Variants in SP3 observed in about 807,000 individuals in gnomAD.
The protein encoded by SP3 is transcription factor Sp3.
SP3 carries 10 observed loss-of-function variants against 70.3 expected under a neutral mutation model. The observed-to-expected ratio is 0.14, with a 90% CI of 0.09 to 0.24. The LOEUF (loss-of-function observed/expected upper bound fraction) is 0.24, where lower values mean the gene tolerates loss of function less well. Ranked by LOEUF, SP3 falls within the 10% of genes least tolerant of loss-of-function variation. The probability of loss-of-function intolerance (pLI) is 1.00; values close to 1 mark genes in which losing one functional copy is unlikely to be tolerated. For missense variants in SP3, 825 were observed against 914.6 expected, an observed-to-expected ratio of 0.90 and a Z score of 1.26; for synonymous variants, 402 against 333.5, an observed-to-expected ratio of 1.21 and a Z score of -2.24.
chr2:173,910,956 CCAA>C lies in SP3; in HGVS notation c.2030-702_2030-700del, dbSNP rs201840982. Among the ~76,000 whole-genome samples the C allele has an allele frequency of 8.9e-3, 1,350 of 152,198 alleles. 28 individuals are homozygous for C. Among genetic ancestry groups the C allele is most frequent in the Admixed American group, 0.053 (803 of 15,286 alleles). ...GTTGAAGACCGACTCTGCAAGATTACCAAAAGAGAAGACAAAAGGCCAACCTAA... is the reference window on the plus strand; with the variant it reads ...GTTGAAGACCGACTCTGCAAGATTACAAGAGAAGACAAAAGGCCAACCTAA... On this transcript the variant is annotated intron_variant, in intron 6 of 6. Coordinates refer to ENST00000310015, the MANE Select transcript of SP3 (RefSeq NM_003111.5).
chr2:173,901,366 G>C lies in SP3; in HGVS notation c.*8575C>G, dbSNP rs960301984. Among the ~76,000 whole-genome samples, 1 of 151,834 alleles carries C rather than the reference G, an allele frequency of 6.6e-6. No homozygotes were observed. Among genetic ancestry groups the C allele is most frequent in the African/African-American group, 2.4e-5 (1 of 41,338 alleles). ...AAAGATAAGCCTTAGACTGAGAAAA[G>C]ATACTATCAGCCTATATATCTCTAA... On this transcript the variant is annotated 3_prime_UTR_variant, in exon 7 of 7. Coordinates refer to ENST00000310015, the MANE Select transcript of SP3 (RefSeq NM_003111.5).
chr2:173,960,269 G>A (rs920338322), intron 3 of SP3, among the ~76,000 whole-genome samples: 2 of 152,080 alleles, frequency 1.3e-5, no homozygotes, highest in African/African-American at 2.4e-5. Flanking sequence ...ATATACCGGT[G>A]GAAACGGAAA....
intron 5 of SP3, among the ~76,000 whole-genome samples, chr2:173,917,569 C>G (rs1356687039): frequency 6.6e-6 from 1 of 152,046 alleles, no homozygotes; most frequent in African/African-American, 2.4e-5. Context: ...ATGTGCAACT[C>G]AAAGGCAGAT....
intron 5 of SP3, chr2:173,913,519 T>A (rs1180126476): frequency 3.8e-6 from 1 of 266,650 alleles, no homozygotes; most frequent in Non-Finnish European, 7.0e-6. Context: ...AAGAATTATG[T>A]AATTAAAAGG....
chr2:173,941,128 A>G (rs1291365522), intron 4 of SP3, among the ~76,000 whole-genome samples: 1 of 98,562 alleles, frequency 1.0e-5, no homozygotes, highest in Non-Finnish European at 1.9e-5. Context: ...CAACACGAGT[A>G]AAAAAAAAAA....
At chr2:173,938,013 T>C (rs559367660) in intron 4 of SP3, among the ~76,000 whole-genome samples, 2 of 152,352 alleles carry the variant, frequency 1.3e-5, no homozygotes, top group East Asian at 3.9e-4. Flanking sequence ...TTCTCTCATA[T>C]GCACGTAAGA....
intron 4 of SP3, among the ~76,000 whole-genome samples, chr2:173,926,166 TA>T (rs1689903493): frequency 6.6e-6 from 1 of 152,176 alleles, no homozygotes; most frequent in Non-Finnish European, 1.5e-5. Flanking sequence ...CCCAATCACC[TA>T]ATCTAAACAT....
Position 173,907,983 on chromosome 2 carries a change from G to C in SP3, c.*1958C>G, listed in dbSNP as rs1689376462. The C allele has an allele frequency of 6.6e-6, 1 of 152,002 alleles. No homozygotes were observed. The highest frequency in any genetic ancestry group is 2.1e-4 in the South Asian group (1 of 4,834). The allele number at this position is 152,002 out of a possible 1,614,324, so 9.4% of individuals were successfully genotyped here. ...GACTGGGCCTGGAAAACAGAAAATG[G>C]ACATCTTTACCCCCACTGTATACAT... On this transcript the variant is annotated 3_prime_UTR_variant, in exon 7 of 7. Coordinates refer to ENST00000310015, the MANE Select transcript of SP3 (RefSeq NM_003111.5).
Position 173,955,808 on chromosome 2 carries a change from T to G in SP3, c.704A>C (p.Gln235Pro), listed in dbSNP as rs1397233232. 4 of 1,614,228 alleles carry G rather than the reference T, an allele frequency of 2.5e-6. No homozygotes were observed. The South Asian group carries it at 3.3e-5, about 13-fold the overall frequency. ...QNLIPQTGQV[Q>P]VQGVAIGGSS... ...ACCACCAATTGCAACTCCCTGAACCTGGACTTGACCAGTCTGTGGTATGAG... is the reference window on the plus strand; with the variant it reads ...ACCACCAATTGCAACTCCCTGAACCGGGACTTGACCAGTCTGTGGTATGAG... Residue 235 changes from glutamine to proline, a missense_variant, in exon 4 of 7, where the codon CAG (glutamine) becomes CCG (proline). Coordinates refer to ENST00000310015, the MANE Select transcript of SP3 (RefSeq NM_003111.5).
At chr2:173,937,632 A>T (rs1475191823) in intron 4 of SP3, among the ~76,000 whole-genome samples, 1 of 152,232 alleles carries the variant, frequency 6.6e-6, no homozygotes, top group African/African-American at 2.4e-5. Flanking sequence ...TTTAAAAAGA[A>T]GTTTTAAAAT....
chr2:173,954,428 T>C (rs1405759293), intron 4 of SP3, among the ~76,000 whole-genome samples: 1 of 152,136 alleles, frequency 6.6e-6, no homozygotes, highest in Non-Finnish European at 1.5e-5. Flanking sequence ...TTGGTCAAAA[T>C]CACACACCTA....
intron 4 of SP3, among the ~76,000 whole-genome samples, chr2:173,919,502 G>T (rs776657837): frequency 6.6e-6 from 1 of 152,122 alleles, no homozygotes; most frequent in Non-Finnish European, 1.5e-5. Context: ...TGCTGTATTA[G>T]TGTCCTACAT....
At chr2:173,952,902 T>TA (rs1690755152) in intron 4 of SP3, among the ~76,000 whole-genome samples, 1 of 152,126 alleles carries the variant, frequency 6.6e-6, no homozygotes, top group Non-Finnish European at 1.5e-5. Context: ...GGGAAGTGAA[T>TA]GATGAGTGAC....
chr2:173,917,216 G>A (rs527460300), intron 5 of SP3, among the ~76,000 whole-genome samples: 1 of 152,184 alleles, frequency 6.6e-6, no homozygotes, highest in African/African-American at 2.4e-5. Flanking sequence ...TGACTTTTGT[G>A]AATAATTTAT....
chr2:173,912,405 T>C (rs892921046), intron 6 of SP3, among the ~76,000 whole-genome samples: 1 of 152,230 alleles, frequency 6.6e-6, no homozygotes, highest in African/African-American at 2.4e-5. Context: ...CTCTAGGGAT[T>C]GTAAATACAT....
At position 173,955,099 on chromosome 2, in the gene SP3, G is replaced by A; in HGVS notation, c.1413C>T (p.Val471=). 1.9e-6 allele frequency: 3 copies of A among 1,614,138 alleles called. No homozygotes were observed. The highest frequency in any genetic ancestry group is 1.1e-5 in the South Asian group (1 of 91,078). Residue 471 remains valine (V), a synonymous_variant, in exon 4 of 7, where the codon GTC becomes GTT. Coordinates refer to ENST00000310015, the MANE Select transcript of SP3 (RefSeq NM_003111.5). ...VTWQTFQVQG[V]QNLQNLQIQN... ...GTATTTGCAAATTCTGCAAGTTCTG[G>A]ACCCCTTGTACTTGAAACGTTTGCC...
At chr2:173,963,051 C>T (rs2358390) in intron 3 of SP3, 101,845 of 152,078 alleles carry the variant, frequency 0.67, 34,621 homozygotes, top group African/African-American at 0.78. Context: ...CTAGTATGCA[C>T]GTAAATACAA....
intron 4 of SP3, among the ~76,000 whole-genome samples, chr2:173,940,924 T>TAATGACCCC (rs2105482277): frequency 6.6e-6 from 1 of 152,236 alleles, no homozygotes; most frequent in East Asian, 1.9e-4. Flanking sequence ...TTCCCTGTTA[T>TAATGACCCC]AATGACCCCT....
At chr2:173,934,545 C>G (rs1480076954) in intron 4 of SP3, among the ~76,000 whole-genome samples, 1 of 151,904 alleles carries the variant, frequency 6.6e-6, no homozygotes, top group East Asian at 1.9e-4. Flanking sequence ...TTCCTTACAC[C>G]CTTTAAAGTT....
Sources: allele counts gnomAD v4.1 joint callset (sites outside exome capture counted in the v4.1 genomes callset), GRCh38; gene constraint gnomAD v4.1.1; transcripts MANE v1.5; gene names NCBI Gene and HGNC (gene_info 2026-07-23, HGNC 2026-07-21).